The following TREM2 variants were observed in gnomAD, a reference collection of about 807,000 sequenced individuals.
TREM2 encodes the protein triggering receptor expressed on monocytes 2.
In TREM2, 20 loss-of-function variants were observed where a neutral mutation model predicts 22.9. The ratio of observed to expected loss-of-function variants is 0.87; its 90% CI spans 0.61 to 1.27. The LOEUF is 1.27. TREM2 is among the 50% of genes most tolerant of loss of function. The pLI, the probability that TREM2 is intolerant of heterozygous loss-of-function variation, is 0.00. For synonymous variants in TREM2, 111 were observed against 120.9 expected, an observed-to-expected ratio of 0.92 and a Z score of 0.54; for missense variants, 267 against 289.0, an observed-to-expected ratio of 0.92 and a Z score of 0.55.
In TREM2 at chr6:41,163,069, C is replaced by A; in HGVS notation, c.14G>T (p.Arg5Leu). Residue 5 changes from arginine (R) to leucine (L), a missense_variant, in exon 1 of 5, where the codon CGG becomes CTG. Physicochemically the swap from Arg to Leu is moderately radical, Grantham distance 102 (BLOSUM62 -2). Transcript: ENST00000373113. Reference protein sequence around the residue: MEPLRLLILLFVTEL... With the variant: MEPLLLLILLFVTEL... ...TGTGACAAAGAGTAAGATGAGCAGCCGGAGAGGCTCCATGCCACCCTTCCC... is the reference window on the plus strand; with the variant it reads ...TGTGACAAAGAGTAAGATGAGCAGCAGGAGAGGCTCCATGCCACCCTTCCC... 6.2e-7 allele frequency: 1 copy of A among 1,614,134 alleles called. No individual in the cohort carries two copies. Among genetic ancestry groups the A allele is most frequent in the South Asian group, 1.1e-5 (1 of 91,072 alleles).
chr6:41,159,702 T>C, intron 3 of TREM2, 90 bp downstream of exon 3: 1 of 1,166,120 alleles, frequency 8.6e-7, no homozygotes, highest in East Asian at 2.4e-5. Context: ...GCCTTGTAAT[T>C]TGTAGTTCAG....
chr6:41,160,760 G>A (rs982902708), intron 2 of TREM2, among the ~76,000 whole-genome samples: 3 of 152,234 alleles, frequency 2.0e-5, no homozygotes, highest in Non-Finnish European at 4.4e-5. Flanking sequence ...GAGGCCCAGA[G>A]AAGTGAAGCA....
rs1379627735 is a variant in TREM2, at chr6:41,158,856, G to A, written c.676+17C>T. ...CCTGCCCAGTCCACCCTTGATGGCT[G>A]TGCTCTCCAAGCCCACCTGGCAGAG... On this transcript the variant is annotated intron_variant, in intron 4 of 4. Transcript: ENST00000373113. The A allele has an allele frequency of 1.2e-6, 2 of 1,614,194 alleles. No individual in the cohort carries two copies. The highest frequency in any genetic ancestry group is 1.7e-6 in the Non-Finnish European group (2 of 1,180,000).
At chr6:41,161,000 A>T (rs1360231940) in intron 2 of TREM2, among the ~76,000 whole-genome samples, 1 of 152,226 alleles carries the variant, frequency 6.6e-6, no homozygotes, top group East Asian at 1.9e-4. Context: ...AATGCAAAGT[A>T]GAGAAAGGTG....
At chr6:41,160,783 C>A (rs183350784) in intron 2 of TREM2, among the ~76,000 whole-genome samples, 263 of 152,330 alleles carry the variant, frequency 1.7e-3, no homozygotes, top group Middle Eastern at 6.8e-3. Flanking sequence ...TTGCCCAGCA[C>A]AAGCAGTGTT....
intron 2 of TREM2, among the ~76,000 whole-genome samples, chr6:41,160,976 TCA>T (rs1765547923): frequency 6.6e-6 from 1 of 152,286 alleles, no homozygotes; most frequent in East Asian, 1.9e-4. Context: ...CCAGGCTAGT[TCA>T]CAGAGTGCCT....
chr6:41,161,789 G>A (rs1765574688), intron 1 of TREM2, among the ~76,000 whole-genome samples, 176 bp from the exon 2 acceptor site: 1 of 152,216 alleles, frequency 6.6e-6, no homozygotes, highest in African/African-American at 2.4e-5. Context: ...GGAAACCTGG[G>A]ACCTGGGTTT....
chr6:41,161,001 G>C (rs139025662), intron 2 of TREM2, among the ~76,000 whole-genome samples: 1 of 152,216 alleles, frequency 6.6e-6, no homozygotes, highest in Non-Finnish European at 1.5e-5. Context: ...ATGCAAAGTA[G>C]AGAAAGGTGC....
Position 41,161,554 on chromosome 6 carries a change from C to A in TREM2, c.100G>T (p.Val34Leu). Residue 34 changes from valine (V) to leucine (L), a missense_variant, in exon 2 of 5, where the codon GTG becomes TTG. Transcript: ENST00000373113. ...FQGVAGQSLQVSCPYDSMKHW... is the reference protein window; with the variant it reads ...FQGVAGQSLQLSCPYDSMKHW... ...TTCATGGAGTCATAGGGGCAAGACA[C>A]CTGCAGGGACTGGCCCGCCACGCCC... 6.2e-7 allele frequency: 1 copy of A among 1,614,148 alleles called. No homozygotes were observed.
In TREM2 at chr6:41,158,736, C is replaced by A; in HGVS notation, c.*28G>T. The A allele has an allele frequency of 6.2e-7, 1 of 1,614,222 alleles. No homozygotes were observed. Among genetic ancestry groups the A allele is most frequent in the Non-Finnish European group, 8.5e-7 (1 of 1,180,046 alleles). On this transcript the variant is annotated 3_prime_UTR_variant, in exon 5 of 5. Transcript: ENST00000373113. The stretch of plus-strand genomic sequence containing the variant: ...TGGGCTGGTCCCTGGTGGGACTTCT[C>A]CTGGGCTTTTCCTCCCATCATCTTC...
At chr6:41,160,871 A>C (rs911448200) in intron 2 of TREM2, among the ~76,000 whole-genome samples, 1 of 152,192 alleles carries the variant, frequency 6.6e-6, no homozygotes, top group Non-Finnish European at 1.5e-5. Flanking sequence ...TGGTGAGGGA[A>C]TAAATTAATC....
chr6:41,159,733 G>T lies in TREM2; in HGVS notation c.482+59C>A. ...TTCAGGATGCCCAGCCCCCACCCCC[G>T]TGGGGCTCTGCAGGGTGGAAGTCTG... On this transcript the variant is annotated intron_variant, in intron 3 of 4. Coordinates refer to ENST00000373113, the MANE Select transcript of TREM2 (RefSeq NM_018965.4). The T allele has an allele frequency of 4.6e-6, 7 of 1,518,516 alleles. No homozygotes were observed. In the South Asian group the frequency reaches 7.9e-5, roughly 17 times the overall value. The allele number at this position is 1,518,516 out of a possible 1,614,324, so 94.1% of individuals were successfully genotyped here. A position where few individuals can be genotyped will look rare whatever the true frequency, so the allele number is the denominator to read the frequency against.
Position 41,161,617 on chromosome 6 carries a change from G to T in TREM2, c.41-4C>A, listed in dbSNP as rs1247254861. 3 of 1,610,748 alleles carry T rather than the reference G, an allele frequency of 1.9e-6. No individual in the cohort carries two copies. The highest frequency in any genetic ancestry group is 3.4e-5 in the Admixed American group (2 of 59,548). On this transcript the variant is annotated splice_polypyrimidine_tract_variant and splice_region_variant and intron_variant, in intron 1 of 4. Transcript: ENST00000373113. ...GTGTTGTGGGCTCCGGACAGCTCTG[G>T]GGAGGAGACATTCATTCACTCCTTT... is the stretch of plus-strand genomic sequence containing the variant.
At chr6:41,159,680 C>T in intron 3 of TREM2, 112 bp downstream of exon 3, 1 of 906,820 alleles carries the variant, frequency 1.1e-6, no homozygotes, top group Admixed American at 1.9e-5. Flanking sequence ...CAGGGCCCTT[C>T]AGGCTCTAGT....
Position 41,159,790 on chromosome 6 carries a change from A to G in TREM2, c.482+2T>C, listed in dbSNP as rs386834144. On this transcript the variant is annotated splice_donor_variant, in intron 3 of 4. Coordinates refer to ENST00000373113, the MANE Select transcript of TREM2 (RefSeq NM_018965.4). LOFTEE classifies it high-confidence loss of function. ...GGTTTTAGGAAAGACCCATCGCTGT[A>G]CCTGGAGATGCTGTGCTCCACATGG... The G allele has an allele frequency of 7.4e-6, 12 of 1,613,928 alleles. No individual in the cohort carries two copies. Among genetic ancestry groups the G allele is most frequent in the Non-Finnish European group, 1.0e-5 (12 of 1,179,864 alleles).
chr6:41,162,999 A>G (rs200544046), intron 1 of TREM2, 44 bp downstream of exon 1: 2 of 1,613,904 alleles, frequency 1.2e-6, no homozygotes, highest in East Asian at 2.2e-5. Context: ...CACATGCTCA[A>G]AGTGAGGGAG....
Position 41,161,606 on chromosome 6 carries a change from G to C in TREM2, c.48C>G (p.Ser16=), listed in dbSNP as rs762650272. The change falls in exon 2 of 5, where the codon TCC becomes TCG. Residue 16 remains serine (S), a synonymous_variant. Coordinates refer to ENST00000373113, the MANE Select transcript of TREM2 (RefSeq NM_018965.4). ...LLILLFVTEL[S]GAHNTTVFQG... is the part of the protein sequence containing the mutation. ...GGAACACTGTGGTGTTGTGGGCTCC[G>C]GACAGCTCTGGGGAGGAGACATTCA... 1 of 1,612,876 alleles carries C rather than the reference G, an allele frequency of 6.2e-7. No individual in the cohort carries two copies. Among genetic ancestry groups the C allele is most frequent in the Non-Finnish European group, 8.5e-7 (1 of 1,179,476 alleles).
At chr6:41,159,237 G>C (rs1765497059) in intron 3 of TREM2, 171 bp from the exon 4 acceptor site, 1 of 757,020 alleles carries the variant, frequency 1.3e-6, no homozygotes, top group East Asian at 2.7e-5. Context: ...CAAGAGACTT[G>C]AGTTCTAGGC....
intron 1 of TREM2, 78 bp downstream of exon 1, chr6:41,162,965 A>G (rs1765604913): frequency 1.3e-6 from 2 of 1,596,232 alleles, no homozygotes; most frequent in Admixed American, 1.7e-5. Context: ...AATTCACCCC[A>G]GGGCCCACCA....
Sources: gnomAD v4.1 joint callset for allele counts (sites outside exome capture counted in the v4.1 genomes callset) on GRCh38, gnomAD v4.1.1 for gene constraint, MANE v1.5 for transcripts, NCBI Gene and HGNC (gene_info 2026-07-23, HGNC 2026-07-21) for gene names.